CNTNAP2: variants seen among roughly 807,000 people sequenced by gnomAD.
CNTNAP2 encodes contactin-associated protein-like 2.
CNTNAP2 carries 98 observed loss-of-function variants against 155.2 expected under a neutral mutation model. That is an observed-to-expected ratio of 0.63 (90% CI 0.54 to 0.75). The LOEUF is 0.75. CNTNAP2 is among the 30% of genes least tolerant of loss of function. The probability of loss-of-function intolerance (pLI) is 0.00; values close to 1 mark genes in which losing one functional copy is unlikely to be tolerated. For missense variants in CNTNAP2, 1,727 were observed against 1,688.1 expected, an observed-to-expected ratio of 1.02 and a Z score of -0.40; for synonymous variants, 651 against 631.2, an observed-to-expected ratio of 1.03 and a Z score of -0.47.
At chr7:147,019,478 A>G (rs894662446) in intron 3 of CNTNAP2, among the ~76,000 whole-genome samples, 14 of 152,144 alleles carry the variant, frequency 9.2e-5, no homozygotes, top group Non-Finnish European at 1.5e-4. Context: ...GCCCTGCATC[A>G]GTATCCATAT....
chr7:148,280,475 A>G (rs113443422), intron 21 of CNTNAP2, among the ~76,000 whole-genome samples: 11 of 152,218 alleles, frequency 7.2e-5, no homozygotes, highest in African/African-American at 2.4e-4. Flanking sequence ...GATCATATCA[A>G]TGTTAATATC....
intron 9 of CNTNAP2, among the ~76,000 whole-genome samples, chr7:147,311,560 C>T (rs1282456177): frequency 6.6e-6 from 1 of 152,154 alleles, no homozygotes; most frequent in Non-Finnish European, 1.5e-5. Context: ...GCAGCCAACT[C>T]TGACCTCAGG....
intron 10 of CNTNAP2, among the ~76,000 whole-genome samples, chr7:147,438,459 CCT>C (rs983057791): frequency 2.0e-5 from 3 of 151,700 alleles, no homozygotes; most frequent in African/African-American, 7.3e-5. Flanking sequence ...GATAAATCCC[CCT>C]TAGTCATGGT....
intron 21 of CNTNAP2, among the ~76,000 whole-genome samples, chr7:148,272,679 G>A (rs1045900308): frequency 5.9e-5 from 9 of 152,130 alleles, no homozygotes; most frequent in Non-Finnish European, 1.0e-4. Flanking sequence ...TAGAAGATGG[G>A]AGACCCCCAG....
At chr7:147,326,800 C>T (rs1236295143) in intron 9 of CNTNAP2, among the ~76,000 whole-genome samples, 1 of 152,168 alleles carries the variant, frequency 6.6e-6, no homozygotes, top group African/African-American at 2.4e-5. Flanking sequence ...GTGAATGTTT[C>T]CTGTCCTCAC....
At chr7:146,699,346 T>C (rs1384192887) in intron 1 of CNTNAP2, among the ~76,000 whole-genome samples, 2 of 152,164 alleles carry the variant, frequency 1.3e-5, no homozygotes, top group Admixed American at 1.3e-4. Context: ...AGAGAACTTA[T>C]CTTAAATAAG....
At chr7:146,624,173 G>T (rs1799379552) in intron 1 of CNTNAP2, among the ~76,000 whole-genome samples, 1 of 151,114 alleles carries the variant, frequency 6.6e-6, no homozygotes, top group Non-Finnish European at 1.5e-5. Context: ...GTACCTTATA[G>T]AATATGTCTT....
chr7:147,363,038 C>A (rs1221437107), intron 9 of CNTNAP2, among the ~76,000 whole-genome samples: 2 of 151,988 alleles, frequency 1.3e-5, no homozygotes, highest in African/African-American at 2.4e-5. Flanking sequence ...CAAGATGAAA[C>A]CCTCACCTCC....
At chr7:147,677,139 G>A (rs1230024247) in intron 13 of CNTNAP2, among the ~76,000 whole-genome samples, 1 of 151,374 alleles carries the variant, frequency 6.6e-6, no homozygotes, top group Non-Finnish European at 1.5e-5. Context: ...ACCAACATCA[G>A]GCAAGTTCTC....
At chr7:148,173,878 C>G (rs935192129) in intron 18 of CNTNAP2, among the ~76,000 whole-genome samples, 2 of 152,208 alleles carry the variant, frequency 1.3e-5, no homozygotes, top group Non-Finnish European at 2.9e-5. Flanking sequence ...CGAGATTCCA[C>G]TACATAAGTA....
intron 15 of CNTNAP2, among the ~76,000 whole-genome samples, chr7:148,080,589 A>C (rs1803579175): frequency 6.8e-6 from 1 of 146,912 alleles, no homozygotes; most frequent in Non-Finnish European, 1.5e-5. Flanking sequence ...TGGGCAACAG[A>C]GCAAGACTCC....
intron 13 of CNTNAP2, among the ~76,000 whole-genome samples, chr7:147,750,482 A>G (rs1008205687): frequency 6.6e-6 from 1 of 152,116 alleles, no homozygotes; most frequent in Non-Finnish European, 1.5e-5. Context: ...TATTATCTGT[A>G]TGATCATAAA....
In CNTNAP2 at chr7:147,731,402, C is replaced by A. The variant is rs911318707; in HGVS notation, c.2098+92096C>A. 2.6e-5 allele frequency among the ~76,000 whole-genome samples: 4 copies of A among 152,090 alleles called. No individual in the cohort carries two copies. In the East Asian group the frequency reaches 7.8e-4, roughly 29 times the overall value. ...CTACTATCTCTACTCTGCCTGTCCCCTAGAAATGGAATAACAAAGCCCGGA... is the reference window on the plus strand; with the variant it reads ...CTACTATCTCTACTCTGCCTGTCCCATAGAAATGGAATAACAAAGCCCGGA... On this transcript the variant is annotated intron_variant, in intron 13 of 23. Coordinates refer to ENST00000361727, the MANE Select transcript of CNTNAP2 (RefSeq NM_014141.6).
intron 3 of CNTNAP2, among the ~76,000 whole-genome samples, chr7:146,951,090 C>T (rs1339170881): frequency 3.9e-5 from 6 of 152,062 alleles, no homozygotes; most frequent in Admixed American, 2.6e-4. Context: ...CATAAATGTC[C>T]GCTTTTGAGA....
intron 1 of CNTNAP2, among the ~76,000 whole-genome samples, chr7:146,253,694 G>A (rs767756999): frequency 6.6e-6 from 1 of 152,138 alleles, no homozygotes. Context: ...ATGGCCAATA[G>A]CAACTATGCT....
At chr7:146,876,711 A>G (rs776281557) in intron 3 of CNTNAP2, among the ~76,000 whole-genome samples, 1 of 152,182 alleles carries the variant, frequency 6.6e-6, no homozygotes, top group Non-Finnish European at 1.5e-5. Context: ...CATTGGATCA[A>G]CGATACAATA....
chr7:147,164,472 T>G (rs1338469763), intron 8 of CNTNAP2, among the ~76,000 whole-genome samples: 1 of 152,232 alleles, frequency 6.6e-6, no homozygotes, highest in African/African-American at 2.4e-5. Flanking sequence ...ATTTATTCTT[T>G]TTATGTTTTA....
intron 1 of CNTNAP2, among the ~76,000 whole-genome samples, chr7:146,129,861 A>G (rs1284039065): frequency 1.3e-5 from 2 of 152,210 alleles, no homozygotes; most frequent in Admixed American, 1.3e-4. Context: ...TTATTGAATC[A>G]TTCCAATTAG....
intron 1 of CNTNAP2, among the ~76,000 whole-genome samples, chr7:146,543,325 G>T (rs1394417200): frequency 1.3e-5 from 2 of 151,762 alleles, no homozygotes; most frequent in African/African-American, 2.4e-5. Flanking sequence ...TATATAAAAT[G>T]GATAGGTCCA....
Sources: gnomAD v4.1 joint callset for allele counts (sites outside exome capture counted in the v4.1 genomes callset) on GRCh38, gnomAD v4.1.1 for gene constraint, MANE v1.5 for transcripts, NCBI Gene and HGNC (gene_info 2026-07-23, HGNC 2026-07-21) for gene names.